Variants in PCDH15 observed in about 807,000 individuals in gnomAD.
PCDH15 encodes protocadherin-15.
Under a neutral mutation model 178.5 loss-of-function variants are expected in PCDH15, and 129 were observed. The observed-to-expected ratio is 0.72, with a 90% CI of 0.63 to 0.84. PCDH15 has a LOEUF of 0.84. Among genes scored for constraint, PCDH15 ranks in the 40% least tolerant of loss-of-function variants. The probability of loss-of-function intolerance (pLI) is 0.00; values close to 1 mark genes in which losing one functional copy is unlikely to be tolerated. For synonymous variants in PCDH15, 800 were observed against 732.0 expected (o/e 1.09, Z -1.50); for missense variants, 2,230 against 2,099.9 (o/e 1.06, Z -1.21).
intron 2 of PCDH15, among the ~76,000 whole-genome samples, chr10:55,328,827 C>T (rs763202491): frequency 6.7e-6 from 1 of 148,374 alleles, no homozygotes; most frequent in Non-Finnish European, 1.5e-5. Flanking sequence ...TAATATTATG[C>T]CACTTTATAT....
At position 54,125,115 on chromosome 10, in the gene PCDH15, A is replaced by G. The variant is rs144252692; in HGVS notation, c.1917+7760T>C. ...GCAAGCTGACAAAACACCTTTTTAG[A>G]CTTACACCCAATTCGTTCATTAGTC... On this transcript the variant is annotated intron_variant, in intron 15 of 37. Coordinates refer to ENST00000644397, the MANE Select transcript of PCDH15 (RefSeq NM_001384140.1). Among the ~76,000 whole-genome samples, 56 of 152,252 alleles carry G rather than the reference A, an allele frequency of 3.7e-4. No individual in the cohort carries two copies. The East Asian group carries it at 0.01, about 27-fold the overall frequency.
chr10:54,230,498 T>A (rs141440583), intron 9 of PCDH15, among the ~76,000 whole-genome samples: 1 of 152,144 alleles, frequency 6.6e-6, no homozygotes, highest in South Asian at 2.1e-4. Flanking sequence ...GTTGGGCCCA[T>A]GAACATTTTC....
intron 1 of PCDH15, among the ~76,000 whole-genome samples, chr10:55,185,742 C>T (rs1008532314): frequency 1.2e-4 from 18 of 151,382 alleles, no homozygotes; most frequent in African/African-American, 4.1e-4. Context: ...TTTGCAGCCT[C>T]GAAGGTTGAC....
intron 13 of PCDH15, among the ~76,000 whole-genome samples, chr10:54,169,354 C>G (rs201258048): frequency 0.21 from 19,592 of 93,806 alleles, 2,346 homozygotes; most frequent in Middle Eastern, 0.38. Flanking sequence ...TCCACATTAC[C>G]TTCTTTTCAA....
intron 11 of PCDH15, among the ~76,000 whole-genome samples, chr10:54,188,347 A>G (rs2048662883): frequency 6.6e-6 from 1 of 151,900 alleles, no homozygotes; most frequent in Admixed American, 6.6e-5. Context: ...TAGGATGTAC[A>G]TGGACAAATA....
intron 1 of PCDH15, among the ~76,000 whole-genome samples, chr10:54,696,809 AAACT>A (rs771726035): frequency 6.6e-6 from 1 of 152,172 alleles, no homozygotes; most frequent in Non-Finnish European, 1.5e-5. Flanking sequence ...GCTATCCTGA[AAACT>A]TTTAACAAGT....
intron 1 of PCDH15, among the ~76,000 whole-genome samples, chr10:55,267,882 G>A (rs953803223): frequency 6.6e-6 from 1 of 152,072 alleles, no homozygotes; most frequent in Non-Finnish European, 1.5e-5. Context: ...AAATATATTG[G>A]TGTCCCAGAC....
intron 36 of PCDH15, among the ~76,000 whole-genome samples, 183 bp downstream of exon 36, chr10:53,811,366 A>G (rs768163972): frequency 7.9e-5 from 12 of 152,260 alleles, no homozygotes; most frequent in Non-Finnish European, 1.8e-4. Context: ...ATGGAACTCA[A>G]TATAGAAAAA....
chr10:54,865,160 T>A (rs556114530), intron 3 of PCDH15, among the ~76,000 whole-genome samples: 2 of 152,214 alleles, frequency 1.3e-5, no homozygotes, highest in African/African-American at 4.8e-5. Context: ...GTCAGTAAAG[T>A]GGGAGAGGAA....
intron 25 of PCDH15, 26 bp downstream of exon 25, chr10:53,938,789 T>C (rs117147999): frequency 1.2e-6 from 2 of 1,609,196 alleles, no homozygotes; most frequent in Non-Finnish European, 1.7e-6. Flanking sequence ...ACAATTCTGG[T>C]AAAAGCTTTA....
At chr10:54,435,949 A>G (rs183727986) in intron 3 of PCDH15, among the ~76,000 whole-genome samples, 32 of 151,488 alleles carry the variant, frequency 2.1e-4, no homozygotes, top group African/African-American at 6.3e-4. Context: ...CAGCCTGGGC[A>G]ACAGAGCGAG....
At chr10:54,506,187 A>T (rs991205420) in intron 3 of PCDH15, among the ~76,000 whole-genome samples, 6 of 152,124 alleles carry the variant, frequency 3.9e-5, no homozygotes, top group African/African-American at 1.4e-4. Flanking sequence ...GGAAAATATC[A>T]CATCTGAGCC....
At chr10:54,231,557 C>A (rs1440065997) in intron 9 of PCDH15, among the ~76,000 whole-genome samples, 1 of 152,212 alleles carries the variant, frequency 6.6e-6, no homozygotes, top group Admixed American at 6.5e-5. Context: ...AAGAAGGCAA[C>A]TATTCTCCAG....
intron 2 of PCDH15, among the ~76,000 whole-genome samples, chr10:55,005,990 T>C (rs972260422): frequency 1.3e-5 from 2 of 151,884 alleles, no homozygotes; most frequent in Admixed American, 1.3e-4. Context: ...TATATTTATA[T>C]AAATACAATG....
intron 2 of PCDH15, among the ~76,000 whole-genome samples, chr10:55,476,249 T>C (rs1024844479): frequency 9.2e-5 from 14 of 152,022 alleles, no homozygotes; most frequent in African/African-American, 3.4e-4. Flanking sequence ...ACCCACAAAA[T>C]GCTTGTAGAT....
At chr10:55,382,020 C>T (rs896768709) in intron 2 of PCDH15, among the ~76,000 whole-genome samples, 1 of 152,110 alleles carries the variant, frequency 6.6e-6, no homozygotes, top group Non-Finnish European at 1.5e-5. Flanking sequence ...TCTCTATATC[C>T]AGCTACAGCT....
chr10:53,835,523 T>C (rs2077255499), intron 29 of PCDH15, among the ~76,000 whole-genome samples: 1 of 146,788 alleles, frequency 6.8e-6, no homozygotes, highest in Non-Finnish European at 1.5e-5. Flanking sequence ...GAAGTCACAA[T>C]GTGAGCAAAA....
intron 3 of PCDH15, among the ~76,000 whole-genome samples, chr10:54,483,560 G>T: frequency 6.6e-6 from 1 of 151,642 alleles, no homozygotes; most frequent in East Asian, 1.9e-4. Flanking sequence ...TAGTGTAATG[G>T]AGAAAAAATA....
At chr10:54,558,650 AT>A (rs2133318924) in intron 2 of PCDH15, among the ~76,000 whole-genome samples, 1 of 152,204 alleles carries the variant, frequency 6.6e-6, no homozygotes, top group Non-Finnish European at 1.5e-5. Flanking sequence ...TTATTACTAC[AT>A]TATCATTCTT....
Sources: allele counts gnomAD v4.1 joint callset (sites outside exome capture counted in the v4.1 genomes callset), GRCh38; gene constraint gnomAD v4.1.1; transcripts MANE v1.5; gene names NCBI Gene and HGNC (gene_info 2026-07-23, HGNC 2026-07-21).